The following PTPRD variants were observed in gnomAD, a reference collection of about 807,000 sequenced individuals.
PTPRD encodes protein tyrosine phosphatase receptor type D.
Under a neutral mutation model 214.5 loss-of-function variants are expected in PTPRD, and 34 were observed. That is an observed-to-expected ratio of 0.16 (90% confidence interval 0.12 to 0.21). PTPRD has a LOEUF of 0.21. Among genes scored for constraint, PTPRD ranks in the 10% least tolerant of loss-of-function variants. The pLI is 1.00. For missense variants in PTPRD, 2,545 were observed against 2,398.7 expected, an observed-to-expected ratio of 1.06 and a Z score of -1.27; for synonymous variants, 1,128 against 845.7, an observed-to-expected ratio of 1.33 and a Z score of -5.79.
At chr9:9,854,590 A>C (rs1173942465) in intron 5 of PTPRD, among the ~76,000 whole-genome samples, 2 of 152,084 alleles carry the variant, frequency 1.3e-5, no homozygotes, top group African/African-American at 2.4e-5. Flanking sequence ...ACCACAGATA[A>C]ATTTATTATC....
At chr9:10,218,753 C>G (rs553556623) in intron 3 of PTPRD, among the ~76,000 whole-genome samples, 2 of 151,614 alleles carry the variant, frequency 1.3e-5, no homozygotes, top group East Asian at 1.9e-4. Context: ...AAATAGGGAG[C>G]CTTGGTCTTG....
At chr9:9,692,366 C>G (rs935954714) in intron 7 of PTPRD, among the ~76,000 whole-genome samples, 1 of 152,014 alleles carries the variant, frequency 6.6e-6, no homozygotes, top group Non-Finnish European at 1.5e-5. Context: ...ATTCCCAGCA[C>G]CATTTATTGA....
At chr9:9,814,425 G>A (rs916917815) in intron 5 of PTPRD, among the ~76,000 whole-genome samples, 1 of 151,676 alleles carries the variant, frequency 6.6e-6, no homozygotes, top group African/African-American at 2.4e-5. Flanking sequence ...TAGAATAAAT[G>A]ATTTCAGTAA....
intron 5 of PTPRD, among the ~76,000 whole-genome samples, chr9:9,836,707 A>G (rs963188537): frequency 6.6e-6 from 1 of 152,144 alleles, no homozygotes; most frequent in Non-Finnish European, 1.5e-5. Context: ...TGGTTCCACT[A>G]CTTACTACCT....
chr9:10,298,633 A>G (rs1167797246), intron 3 of PTPRD, among the ~76,000 whole-genome samples: 1 of 152,040 alleles, frequency 6.6e-6, no homozygotes, highest in East Asian at 1.9e-4. Flanking sequence ...AGGTAGACCC[A>G]TTTCCCATGA....
At chr9:9,841,236 C>T (rs753649817) in intron 5 of PTPRD, among the ~76,000 whole-genome samples, 8 of 151,842 alleles carry the variant, frequency 5.3e-5, no homozygotes, top group Admixed American at 3.3e-4. Context: ...AATAAGGGTA[C>T]GTAATGTACA....
At chr9:9,041,991 G>A (rs183753261) in intron 10 of PTPRD, among the ~76,000 whole-genome samples, 1 of 152,332 alleles carries the variant, frequency 6.6e-6, no homozygotes, top group Non-Finnish European at 1.5e-5. Context: ...GGGTGATGAT[G>A]TGACATAAAT....
chr9:8,860,879 C>T (rs1371174693), intron 11 of PTPRD: 1 of 152,176 alleles, frequency 6.6e-6, no homozygotes, highest in African/African-American at 2.4e-5. Flanking sequence ...GCCCTCCATC[C>T]CACCAGCTAT....
At chr9:9,147,386 A>T (rs1345174691) in intron 10 of PTPRD, among the ~76,000 whole-genome samples, 1 of 151,776 alleles carries the variant, frequency 6.6e-6, no homozygotes, top group African/African-American at 2.4e-5. Context: ...TTATTTATTT[A>T]TTTTAGTGTG....
chr9:10,469,834 A>G (rs2099018600), intron 2 of PTPRD, among the ~76,000 whole-genome samples: 1 of 152,168 alleles, frequency 6.6e-6, no homozygotes, highest in African/African-American at 2.4e-5. Flanking sequence ...ATAGAAACTA[A>G]AATCCTGACA....
chr9:9,511,666 G>A (rs914347729), intron 8 of PTPRD, among the ~76,000 whole-genome samples: 5 of 151,612 alleles, frequency 3.3e-5, no homozygotes, highest in Admixed American at 1.3e-4. Context: ...TAAAAATATG[G>A]AATTATATTT....
intron 12 of PTPRD, among the ~76,000 whole-genome samples, chr9:8,718,572 T>C (rs72700397): frequency 0.1 from 15,314 of 152,200 alleles, 924 homozygotes; most frequent in East Asian, 0.14. Context: ...GTTTACACCA[T>C]AGTTGAATAG....
chr9:8,568,141 C>T (rs1376654274), intron 14 of PTPRD, among the ~76,000 whole-genome samples: 1 of 152,008 alleles, frequency 6.6e-6, no homozygotes, highest in Non-Finnish European at 1.5e-5. Flanking sequence ...ATTTAAAAAT[C>T]CAATAGATTT....
chr9:10,316,544 C>A (rs963616238), intron 3 of PTPRD, among the ~76,000 whole-genome samples: 28 of 151,824 alleles, frequency 1.8e-4, no homozygotes, highest in African/African-American at 6.8e-4. Flanking sequence ...TCTATATTTG[C>A]ATTTTTGAAT....
chr9:8,454,847 T>C (rs1394026816), intron 33 of PTPRD, among the ~76,000 whole-genome samples: 1 of 145,040 alleles, frequency 6.9e-6, no homozygotes, highest in Non-Finnish European at 1.5e-5. Flanking sequence ...TGTGTGTGTG[T>C]GAATGCCACG....
At chr9:10,521,224 A>T (rs1234943180) in intron 2 of PTPRD, among the ~76,000 whole-genome samples, 1 of 152,170 alleles carries the variant, frequency 6.6e-6, no homozygotes, top group East Asian at 1.9e-4. Flanking sequence ...CAACTCTCAC[A>T]GATGACTTTC....
At chr9:8,721,259 A>C (rs2098493377) in intron 12 of PTPRD, among the ~76,000 whole-genome samples, 1 of 151,708 alleles carries the variant, frequency 6.6e-6, no homozygotes, top group African/African-American at 2.4e-5. Flanking sequence ...CAAAAACCCC[A>C]TCCCTACTAA....
intron 5 of PTPRD, among the ~76,000 whole-genome samples, chr9:9,769,513 A>C (rs1309452952): frequency 1.3e-5 from 2 of 151,654 alleles, no homozygotes; most frequent in African/African-American, 2.4e-5. Context: ...TTTTTAGTAG[A>C]GACGAGGTTT....
intron 11 of PTPRD, among the ~76,000 whole-genome samples, chr9:8,743,769 A>G (rs963515146): frequency 1.3e-5 from 2 of 149,264 alleles, no homozygotes; most frequent in African/African-American, 4.9e-5. Flanking sequence ...TAATTCAACT[A>G]AAAAAGCTTC....
Sources: allele counts gnomAD v4.1 joint callset (sites outside exome capture counted in the v4.1 genomes callset), GRCh38; gene constraint gnomAD v4.1.1; transcripts MANE v1.5; gene names NCBI Gene and HGNC (gene_info 2026-07-23, HGNC 2026-07-21).